Variants in CACNG2 observed in about 807,000 individuals in gnomAD.
CACNG2 encodes voltage-dependent calcium channel gamma-2 subunit.
In CACNG2, 3 loss-of-function variants were observed where a neutral mutation model predicts 25.9. The observed-to-expected ratio is 0.12, with a 90% CI of 0.05 to 0.30. CACNG2 has a LOEUF of 0.30. Ranked by LOEUF, CACNG2 falls within the 10% of genes least tolerant of loss-of-function variation. The probability of loss-of-function intolerance (pLI) is 1.00; values close to 1 mark genes in which losing one functional copy is unlikely to be tolerated. For missense variants in CACNG2, 341 were observed against 432.5 expected (o/e 0.79, Z 1.88); for synonymous variants, 167 against 173.3 (o/e 0.96, Z 0.29).
chr22:36,658,173 C>A (rs938131966), intron 1 of CACNG2, among the ~76,000 whole-genome samples: 1 of 152,124 alleles, frequency 6.6e-6, no homozygotes, highest in Admixed American at 6.5e-5. Context: ...AAAGACCTCA[C>A]AAAGCCACAG....
chr22:36,580,810 T>C (rs1935402657), intron 2 of CACNG2, among the ~76,000 whole-genome samples: 1 of 152,062 alleles, frequency 6.6e-6, no homozygotes, highest in Non-Finnish European at 1.5e-5. Context: ...ATAGGACAGC[T>C]AGGAAATGTC....
At chr22:36,616,891 A>G (rs1421169701) in intron 1 of CACNG2, among the ~76,000 whole-genome samples, 1 of 152,216 alleles carries the variant, frequency 6.6e-6, no homozygotes. Context: ...TGTGATAGGC[A>G]AAGGGATGCT....
At chr22:36,662,460 C>T (rs1936812785) in intron 1 of CACNG2, among the ~76,000 whole-genome samples, 1 of 152,212 alleles carries the variant, frequency 6.6e-6, no homozygotes, top group Non-Finnish European at 1.5e-5. Context: ...CCCACCCACA[C>T]ATTGAAATCA....
chr22:36,625,756 A>G (rs113633801), intron 1 of CACNG2, among the ~76,000 whole-genome samples: 26 of 152,276 alleles, frequency 1.7e-4, no homozygotes, highest in African/African-American at 6.3e-4. Context: ...AGGTAATTTG[A>G]CTGTATGTGC....
chr22:36,583,332 C>T (rs1318017852), intron 2 of CACNG2, among the ~76,000 whole-genome samples: 2 of 151,708 alleles, frequency 1.3e-5, no homozygotes, highest in East Asian at 1.9e-4. Context: ...ACTCAGGAGG[C>T]TGAGGCAGGA....
At chr22:36,640,762 C>T (rs1040442623) in intron 1 of CACNG2, among the ~76,000 whole-genome samples, 2 of 152,208 alleles carry the variant, frequency 1.3e-5, no homozygotes, top group East Asian at 1.9e-4. Context: ...CTTCTGAAAA[C>T]CCAAGTCAAT....
At chr22:36,622,002 T>C (rs1936113014) in intron 1 of CACNG2, among the ~76,000 whole-genome samples, 1 of 152,240 alleles carries the variant, frequency 6.6e-6, no homozygotes, top group Non-Finnish European at 1.5e-5. Context: ...TATGTGCCGC[T>C]CACTCTGCTC....
chr22:36,697,643 G>A (rs992944573), intron 1 of CACNG2, among the ~76,000 whole-genome samples: 12 of 152,202 alleles, frequency 7.9e-5, no homozygotes, highest in African/African-American at 2.9e-4. Context: ...GCCGGGTTTG[G>A]CTAACACGGT....
chr22:36,666,821 G>A (rs1379624891), intron 1 of CACNG2, among the ~76,000 whole-genome samples: 1 of 151,978 alleles, frequency 6.6e-6, no homozygotes, highest in African/African-American at 2.4e-5. Context: ...GGCTCTTCTA[G>A]TTTCTCTATC....
intron 1 of CACNG2, among the ~76,000 whole-genome samples, chr22:36,644,175 C>T (rs1292202743): frequency 6.6e-6 from 1 of 152,224 alleles, no homozygotes; most frequent in Non-Finnish European, 1.5e-5. Flanking sequence ...AGGCCCCAGA[C>T]ATCCCAATAG....
rs556654167 is a variant in CACNG2, at chr22:36,563,371, G to A, written c.*980C>T. On this transcript the variant is annotated 3_prime_UTR_variant, in exon 4 of 4. Coordinates refer to ENST00000300105, the MANE Select transcript of CACNG2 (RefSeq NM_006078.5). ...GAGAGCTGTTTCATGTCCCCCGGGG[G>A]GGGGGGTGGCATCTCCTGACCCCAA... is the stretch of plus-strand genomic sequence containing the variant. Among the ~76,000 whole-genome samples, 5 of 151,812 alleles carry A rather than the reference G, an allele frequency of 3.3e-5. No individual in the cohort carries two copies. Among genetic ancestry groups the A allele is most frequent in the African/African-American group, 9.7e-5 (4 of 41,328 alleles).
At chr22:36,593,842 T>C (rs191802288) in intron 1 of CACNG2, among the ~76,000 whole-genome samples, 2 of 151,380 alleles carry the variant, frequency 1.3e-5, no homozygotes, top group East Asian at 1.9e-4. Flanking sequence ...CGGTGGGCCC[T>C]GGATTCAGTC....
intron 1 of CACNG2, among the ~76,000 whole-genome samples, chr22:36,661,963 A>ATTT (rs1555899723): frequency 5.6e-5 from 3 of 53,356 alleles, no homozygotes; most frequent in African/African-American, 1.4e-4. Flanking sequence ...ACTCATTGCT[A>ATTT]TTCTTTTTTT....
intron 1 of CACNG2, among the ~76,000 whole-genome samples, chr22:36,616,029 A>C (rs1216045725): frequency 1.7e-5 from 2 of 120,786 alleles, no homozygotes. Context: ...CAGAAAAGTA[A>C]AATCATTTGC....
chr22:36,615,053 G>A (rs1413941025), intron 1 of CACNG2, among the ~76,000 whole-genome samples: 15 of 152,164 alleles, frequency 9.9e-5, no homozygotes, highest in Admixed American at 9.2e-4. Context: ...CTTGGAGAAC[G>A]GACTATGTGT....
intron 2 of CACNG2, among the ~76,000 whole-genome samples, chr22:36,567,315 T>C (rs771728206): frequency 1.1e-4 from 16 of 152,254 alleles, no homozygotes; most frequent in Non-Finnish European, 2.1e-4. Flanking sequence ...GAACCATGGG[T>C]CGTGAGACAA....
Position 36,670,131 on chromosome 22 carries a change from G to A in CACNG2, c.211+32235C>T, listed in dbSNP as rs949564344. Among the ~76,000 whole-genome samples the A allele has an allele frequency of 5.9e-5, 9 of 152,092 alleles. No individual in the cohort carries two copies. In the East Asian group the frequency reaches 1.3e-3, roughly 23 times the overall value. On this transcript the variant is annotated intron_variant, in intron 1 of 3. Transcript: ENST00000300105. Reference sequence around the variant, plus strand: ...ACAAACTTCATTCATTCAAAACATCGACAGCAGACATTTAGTAAACTTTTT... The same window carrying A: ...ACAAACTTCATTCATTCAAAACATCAACAGCAGACATTTAGTAAACTTTTT...
At chr22:36,607,476 A>G (rs1935859229) in intron 1 of CACNG2, among the ~76,000 whole-genome samples, 1 of 152,124 alleles carries the variant, frequency 6.6e-6, no homozygotes, top group African/African-American at 2.4e-5. Context: ...GGCTGGGCTC[A>G]AGTGATTCTT....
chr22:36,679,373 T>C (rs1363962860), intron 1 of CACNG2, among the ~76,000 whole-genome samples: 5 of 152,112 alleles, frequency 3.3e-5, no homozygotes, highest in Non-Finnish European at 7.4e-5. Flanking sequence ...TGCTGCCCTT[T>C]CTATGTCAGT....
Sources: gnomAD v4.1 joint callset for allele counts (sites outside exome capture counted in the v4.1 genomes callset) on GRCh38, gnomAD v4.1.1 for gene constraint, MANE v1.5 for transcripts, NCBI Gene and HGNC (gene_info 2026-07-23, HGNC 2026-07-21) for gene names.